NINJ2: variants seen among roughly 807,000 people sequenced by gnomAD.
NINJ2 encodes the protein ninjurin-2.
NINJ2 carries 12 observed loss-of-function variants against 11.7 expected under a neutral mutation model. That is an observed-to-expected ratio of 1.02 (90% CI 0.66 to 1.66). The LOEUF is 1.66. Among genes scored for constraint, NINJ2 ranks in the 40% most tolerant of loss-of-function variants. The probability of loss-of-function intolerance (pLI) is 0.00; values close to 1 mark genes in which losing one functional copy is unlikely to be tolerated. For missense variants in NINJ2, 187 were observed against 181.8 expected (o/e 1.03, Z -0.16); for synonymous variants, 93 against 76.8 (o/e 1.21, Z -1.10).
At chr12:590,608 C>G (rs1048065440) in intron 1 of NINJ2, 9 of 152,346 alleles carry the variant, frequency 5.9e-5, no homozygotes, top group African/African-American at 2.2e-4. Context: ...AGCAGTCCGC[C>G]CAGCCACTGC....
intron 1 of NINJ2, among the ~76,000 whole-genome samples, chr12:606,200 G>C (rs1185681270): frequency 6.6e-6 from 1 of 151,780 alleles, no homozygotes; most frequent in Non-Finnish European, 1.5e-5. Context: ...GGAATATTCG[G>C]AAACCAAAGA....
chr12:587,049 CA>C (rs935337350), intron 1 of NINJ2, among the ~76,000 whole-genome samples: 4 of 152,170 alleles, frequency 2.6e-5, no homozygotes, highest in African/African-American at 7.2e-5. Flanking sequence ...TAAACAAGGC[CA>C]AAGGGAAAGC....
At chr12:655,145 T>C (rs1328387227) in intron 1 of NINJ2, among the ~76,000 whole-genome samples, 1 of 152,190 alleles carries the variant, frequency 6.6e-6, no homozygotes, top group Non-Finnish European at 1.5e-5. Flanking sequence ...GCACTCCCAC[T>C]AAGATTAGAA....
In NINJ2 at chr12:643,695, A is replaced by G. The variant is rs906454435; in HGVS notation, c.33+19633T>C. The G allele has an allele frequency of 1.8e-5, 18 of 987,980 alleles. No homozygotes were observed. The African/African-American group carries it at 1.9e-4, about 11-fold the overall frequency. The allele number at this position is 987,980 out of a possible 1,614,324, so 61.2% of individuals were successfully genotyped here. A position where few individuals can be genotyped will look rare whatever the true frequency, so the allele number is the denominator to read the frequency against. On this transcript the variant is annotated intron_variant, in intron 1 of 3. Coordinates refer to ENST00000305108, the MANE Select transcript of NINJ2 (RefSeq NM_016533.6). ...GTCGTTTGAGCCACGCCTCACCGCA[A>G]CGAGTCTGCCATCAGCCAAGAGGTC...
chr12:583,461 G>A (rs1202402582), intron 1 of NINJ2, among the ~76,000 whole-genome samples: 1 of 152,272 alleles, frequency 6.6e-6, no homozygotes, highest in African/African-American at 2.4e-5. Context: ...CACAGCCTGA[G>A]GCTGCCACCT....
At chr12:569,411 C>T (rs1174137107) in intron 1 of NINJ2, among the ~76,000 whole-genome samples, 1 of 152,220 alleles carries the variant, frequency 6.6e-6, no homozygotes, top group Non-Finnish European at 1.5e-5. Flanking sequence ...AGTGTCTCTG[C>T]CCAGGTTCAA....
intron 2 of NINJ2, 170 bp downstream of exon 2, chr12:565,780 C>T (rs903589308): frequency 5.9e-5 from 41 of 699,654 alleles, no homozygotes; most frequent in South Asian, 5.0e-4. Context: ...CCTGCCCTCG[C>T]GGGGTGGAAG....
At chr12:631,302 G>A (rs1203525622) in intron 1 of NINJ2, among the ~76,000 whole-genome samples, 3 of 152,160 alleles carry the variant, frequency 2.0e-5, no homozygotes, top group African/African-American at 7.2e-5. Context: ...CCAGACATGC[G>A]TGGGCATCTG....
chr12:565,663 G>A lies in NINJ2; in HGVS notation c.263-262C>T. 4.9e-6 allele frequency: 3 copies of A among 612,148 alleles called. 1 individual carries two copies. In the East Asian group the frequency reaches 8.2e-5, roughly 17 times the overall value. The allele number at this position is 612,148 out of a possible 1,614,324, so 37.9% of individuals were successfully genotyped here. A position where few individuals can be genotyped will look rare whatever the true frequency, so the allele number is the denominator to read the frequency against. On this transcript the variant is annotated intron_variant, in intron 2 of 3. Transcript: ENST00000305108. ...CGTGGGGACGAGTGCTCATGGAGAA[G>A]CGGTGAGCGAGTGAGTGAGTTAGCA...
At chr12:579,318 T>C (rs1947513305) in intron 1 of NINJ2, among the ~76,000 whole-genome samples, 1 of 140,288 alleles carries the variant, frequency 7.1e-6, no homozygotes, top group South Asian at 2.6e-4. Context: ...AGATTCCTAC[T>C]GAGTTCAATG....
intron 1 of NINJ2, among the ~76,000 whole-genome samples, chr12:630,624 G>C (rs981729483): frequency 1.3e-5 from 2 of 152,158 alleles, no homozygotes; most frequent in Non-Finnish European, 2.9e-5. Context: ...TGATCTGCCC[G>C]CCTCGGCCCC....
chr12:646,777 C>A (rs1037409659), intron 1 of NINJ2, among the ~76,000 whole-genome samples: 1 of 152,172 alleles, frequency 6.6e-6, no homozygotes, highest in African/African-American at 2.4e-5. Flanking sequence ...GGACTCCACA[C>A]CCGAGGCACA....
At chr12:634,815 A>G (rs1452464808) in intron 1 of NINJ2, among the ~76,000 whole-genome samples, 2 of 152,216 alleles carry the variant, frequency 1.3e-5, no homozygotes, top group Admixed American at 1.3e-4. Flanking sequence ...AGGGCACCAT[A>G]ACATTAAATT....
At chr12:577,724 T>A (rs1182780951) in intron 1 of NINJ2, among the ~76,000 whole-genome samples, 2 of 150,334 alleles carry the variant, frequency 1.3e-5, no homozygotes, top group Admixed American at 1.3e-4. Flanking sequence ...AAATGAAAAA[T>A]TTTTAAATTT....
intron 1 of NINJ2, among the ~76,000 whole-genome samples, chr12:592,147 A>AGCTAG (rs1947724913): frequency 6.6e-6 from 1 of 152,010 alleles, no homozygotes; most frequent in South Asian, 2.1e-4. Context: ...GGTGACCTTG[A>AGCTAG]ACAAGCTAAG....
chr12:637,167 G>A (rs1948362190), intron 1 of NINJ2, among the ~76,000 whole-genome samples: 1 of 151,892 alleles, frequency 6.6e-6, no homozygotes, highest in Non-Finnish European at 1.5e-5. Flanking sequence ...TGGCCAACAT[G>A]GTAAAACCCC....
chr12:629,896 A>AAAAAAAATATATATAT, intron 1 of NINJ2, among the ~76,000 whole-genome samples: 6 of 9,898 alleles, frequency 6.1e-4, no homozygotes, highest in East Asian at 0.011. Flanking sequence ...AAAAAAAAAA[A>AAAAAAAATATATATAT]ATATATATAT....
At chr12:638,666 C>T (rs539943363) in intron 1 of NINJ2, among the ~76,000 whole-genome samples, 1 of 152,222 alleles carries the variant, frequency 6.6e-6, no homozygotes, top group Admixed American at 6.5e-5. Flanking sequence ...CCGCCCGCCT[C>T]GGCCTCCCAA....
intron 1 of NINJ2, among the ~76,000 whole-genome samples, chr12:655,057 G>T (rs1447971025): frequency 6.6e-6 from 1 of 152,076 alleles, no homozygotes; most frequent in African/African-American, 2.4e-5. Context: ...CAGTACACTA[G>T]ATAATTTCCT....
Sources: gnomAD v4.1 joint callset for allele counts (sites outside exome capture counted in the v4.1 genomes callset) on GRCh38, gnomAD v4.1.1 for gene constraint, MANE v1.5 for transcripts, NCBI Gene and HGNC (gene_info 2026-07-23, HGNC 2026-07-21) for gene names.